Variants in CLYBL observed in about 807,000 individuals in gnomAD.
CLYBL encodes citramalyl-CoA lyase, mitochondrial.
A neutral mutation model predicts 38.9 loss-of-function variants in CLYBL; 31 were observed. The observed-to-expected ratio is 0.80, with a 90% confidence interval of 0.60 to 1.08. CLYBL has a LOEUF of 1.08. CLYBL is among the 50% of genes least tolerant of loss of function. The probability of loss-of-function intolerance (pLI) is 0.00; values close to 1 mark genes in which losing one functional copy is unlikely to be tolerated. For synonymous variants in CLYBL, 171 were observed against 158.6 expected, an observed-to-expected ratio of 1.08 and a Z score of -0.59; for missense variants, 434 against 411.6, an observed-to-expected ratio of 1.05 and a Z score of -0.47.
intron 1 of CLYBL, among the ~76,000 whole-genome samples, chr13:99,723,427 A>G (rs1426457651): frequency 1.3e-5 from 2 of 152,236 alleles, no homozygotes; most frequent in Non-Finnish European, 2.9e-5. Flanking sequence ...CTTCTTTTAT[A>G]TTAAATGTTT....
chr13:99,794,136 T>C (rs1259695890), intron 2 of CLYBL, among the ~76,000 whole-genome samples: 2 of 152,220 alleles, frequency 1.3e-5, no homozygotes, highest in African/African-American at 2.4e-5. Flanking sequence ...GAATCAAATA[T>C]GTGGCCAGGC....
In CLYBL at chr13:99,615,697, C is replaced by T. The variant is rs192999595; in HGVS notation, c.62+8940C>T. On this transcript the variant is annotated intron_variant, in intron 1 of 8. Transcript: ENST00000339105. ...ATGTTGCTACTTGAATGTGTTATAGCGTATCAATTAAATAACTCACTTGAA... is the reference window on the plus strand; with the variant it reads ...ATGTTGCTACTTGAATGTGTTATAGTGTATCAATTAAATAACTCACTTGAA... Among the ~76,000 whole-genome samples the T allele has an allele frequency of 1.4e-3, 213 of 152,278 alleles. 1 individual carries two copies. Among genetic ancestry groups the T allele is most frequent in the Non-Finnish European group, 2.7e-3 (181 of 68,044 alleles).
intron 1 of CLYBL, among the ~76,000 whole-genome samples, chr13:99,617,136 A>G (rs1245343835): frequency 6.6e-6 from 1 of 152,172 alleles, no homozygotes; most frequent in Non-Finnish European, 1.5e-5. Context: ...GACACTTTTC[A>G]GTATTAATAT....
intron 2 of CLYBL, among the ~76,000 whole-genome samples, chr13:99,826,853 A>G (rs1235979804): frequency 2.6e-5 from 4 of 152,256 alleles, no homozygotes; most frequent in Admixed American, 1.3e-4. Context: ...AGGAATCTCC[A>G]TACACCACCG....
chr13:99,773,284 G>A (rs1269820231), intron 2 of CLYBL, among the ~76,000 whole-genome samples: 2 of 152,150 alleles, frequency 1.3e-5, no homozygotes, highest in African/African-American at 2.4e-5. Context: ...ATCAATTTTG[G>A]CCATGATGTT....
chr13:99,607,010 C>G (rs1412595301), intron 1 of CLYBL, among the ~76,000 whole-genome samples: 1 of 152,184 alleles, frequency 6.6e-6, no homozygotes, highest in East Asian at 1.9e-4. Flanking sequence ...GGACTCAGCC[C>G]CAGGAAACAA....
intron 7 of CLYBL, among the ~76,000 whole-genome samples, chr13:99,876,393 C>T (rs1489408540): frequency 7.2e-6 from 1 of 139,844 alleles, no homozygotes; most frequent in Non-Finnish European, 1.5e-5. Context: ...TGCAATCCAG[C>T]CTGGGTGACA....
intron 1 of CLYBL, among the ~76,000 whole-genome samples, chr13:99,629,731 G>A (rs2046917149): frequency 6.6e-6 from 1 of 152,164 alleles, no homozygotes; most frequent in Non-Finnish European, 1.5e-5. Context: ...GCTGGAGAGA[G>A]GTGGCCCCAG....
chr13:99,807,753 C>T (rs1566335240), intron 2 of CLYBL, among the ~76,000 whole-genome samples: 1 of 151,950 alleles, frequency 6.6e-6, no homozygotes, highest in Non-Finnish European at 1.5e-5. Context: ...TACTTACTGC[C>T]AGTGTACACT....
At chr13:99,859,425 A>T (rs1235583974) in intron 3 of CLYBL, among the ~76,000 whole-genome samples, 1 of 152,144 alleles carries the variant, frequency 6.6e-6, no homozygotes, top group Non-Finnish European at 1.5e-5. Flanking sequence ...CAGTGACGTA[A>T]ATGGCCCTTA....
chr13:99,678,973 T>C (rs550358747), intron 1 of CLYBL, among the ~76,000 whole-genome samples: 8 of 152,272 alleles, frequency 5.3e-5, no homozygotes, highest in African/African-American at 1.9e-4. Flanking sequence ...TTTTAACTTG[T>C]TTGTATTTCT....
At position 99,865,735 on chromosome 13, in the gene CLYBL, C is replaced by T. The variant is rs2051725457; in HGVS notation, c.635-505C>T. Among the ~76,000 whole-genome samples, 1 of 152,230 alleles carries T rather than the reference C, an allele frequency of 6.6e-6. No homozygotes were observed. The stretch of plus-strand genomic sequence containing the variant: ...TTCCAGCCCTCTCAAAACAAGTGCC[C>T]TCCCGTCTCCCCAAGTTCTCCATCC... On this transcript the variant is annotated intron_variant, in intron 5 of 8. Coordinates refer to ENST00000339105, the MANE Select transcript of CLYBL (RefSeq NM_206808.5). This position sits in a 1 kb window ranked among gnomAD's most constrained non-coding sequence, Gnocchi z 4.7.
At chr13:99,638,983 C>T (rs1002864070) in intron 1 of CLYBL, among the ~76,000 whole-genome samples, 1 of 152,106 alleles carries the variant, frequency 6.6e-6, no homozygotes, top group African/African-American at 2.4e-5. Flanking sequence ...GGGGCTCTTT[C>T]GACAAGGCCA....
downstream of CLYBL, among the ~76,000 whole-genome samples, chr13:99,901,326 T>C (rs181815359): frequency 2.4e-4 from 37 of 152,232 alleles, no homozygotes; most frequent in Admixed American, 2.2e-3. Context: ...AAATAACAAA[T>C]GTAGGAAAGA....
intron 1 of CLYBL, among the ~76,000 whole-genome samples, chr13:99,757,209 A>G (rs1433994581): frequency 2.0e-5 from 3 of 152,128 alleles, no homozygotes; most frequent in Non-Finnish European, 4.4e-5. Context: ...CAAGTGTTAT[A>G]TATTTTTTTA....
intron 1 of CLYBL, chr13:99,690,170 T>C (rs1272960960): frequency 6.6e-6 from 1 of 152,152 alleles, no homozygotes; most frequent in Non-Finnish European, 1.5e-5. Context: ...GAAAGTCGCA[T>C]GTAGTTTGGT....
intron 1 of CLYBL, among the ~76,000 whole-genome samples, chr13:99,772,120 T>A (rs1193780156): frequency 6.6e-6 from 1 of 152,196 alleles, no homozygotes; most frequent in Non-Finnish European, 1.5e-5. Flanking sequence ...TTTTTTCTAC[T>A]TTTTTACTTT....
chr13:99,683,691 T>C (rs2047772351), intron 1 of CLYBL, among the ~76,000 whole-genome samples: 1 of 151,646 alleles, frequency 6.6e-6, no homozygotes, highest in East Asian at 1.9e-4. Context: ...AATGCCTTCT[T>C]CTGGAATGCC....
chr13:99,800,874 A>C (rs917852742), intron 2 of CLYBL, among the ~76,000 whole-genome samples: 1 of 150,544 alleles, frequency 6.6e-6, no homozygotes, highest in African/African-American at 2.4e-5. Flanking sequence ...ACCCTGTCTC[A>C]AATTAAAAAA....
Sources: allele counts gnomAD v4.1 joint callset (sites outside exome capture counted in the v4.1 genomes callset), GRCh38; gene constraint gnomAD v4.1.1; non-coding constraint Gnocchi (gnomAD v3.1); transcripts MANE v1.5; gene names NCBI Gene and HGNC (gene_info 2026-07-23, HGNC 2026-07-21).